LRP1B: variants seen among roughly 807,000 people sequenced by gnomAD.
LRP1B encodes the protein low-density lipoprotein receptor-related protein 1B.
In LRP1B, 217 loss-of-function variants were observed where a neutral mutation model predicts 556.6. The observed-to-expected ratio is 0.39, with a 90% confidence interval of 0.35 to 0.44. The LOEUF (loss-of-function observed/expected upper bound fraction) is 0.44. LRP1B is among the 20% of genes least tolerant of loss of function. The pLI is 1.00. For synonymous variants in LRP1B, 2,047 were observed against 1,865.8 expected (o/e 1.10, Z -2.50); for missense variants, 5,053 against 5,620.8 (o/e 0.90, Z 3.23).
At chr2:141,298,774 G>A (rs531917154) in intron 3 of LRP1B, among the ~76,000 whole-genome samples, 308 of 152,058 alleles carry the variant, frequency 2.0e-3, no homozygotes, top group African/African-American at 7.0e-3. Context: ...GGCCAACATG[G>A]TGAAACCCTG....
chr2:141,704,039 A>G (rs1419351964), intron 2 of LRP1B, among the ~76,000 whole-genome samples: 4 of 151,910 alleles, frequency 2.6e-5, no homozygotes, highest in Non-Finnish European at 5.9e-5. Context: ...TTTTATGTAT[A>G]GTTTAATGGC....
chr2:141,924,592 T>C (rs1159141615), intron 1 of LRP1B, among the ~76,000 whole-genome samples: 1 of 152,154 alleles, frequency 6.6e-6, no homozygotes, highest in African/African-American at 2.4e-5. Flanking sequence ...CACCCCTAGA[T>C]ACTACCATGA....
intron 37 of LRP1B, among the ~76,000 whole-genome samples, chr2:140,711,514 A>C (rs1201492581): frequency 1.3e-5 from 2 of 151,920 alleles, no homozygotes; most frequent in Non-Finnish European, 2.9e-5. Flanking sequence ...ATAACTGCCA[A>C]CTTTGATCTA....
chr2:140,785,255 G>T (rs964852196), intron 32 of LRP1B, among the ~76,000 whole-genome samples: 5 of 152,138 alleles, frequency 3.3e-5, no homozygotes, highest in African/African-American at 1.2e-4. Flanking sequence ...TGCTTCACAA[G>T]CACCTTTCTC....
intron 2 of LRP1B, among the ~76,000 whole-genome samples, chr2:141,591,368 T>TTG (rs58927623): frequency 0.022 from 3,272 of 150,836 alleles, 91 homozygotes; most frequent in East Asian, 0.12. Flanking sequence ...TGTTTGTTTT[T>TTG]TTTTTTTTCC....
At chr2:140,860,691 G>C (rs1040141733) in intron 27 of LRP1B, among the ~76,000 whole-genome samples, 1 of 151,204 alleles carries the variant, frequency 6.6e-6, no homozygotes, top group Admixed American at 6.6e-5. Flanking sequence ...ATTCCAATTA[G>C]AGCAGCTAAG....
At chr2:141,543,365 A>T (rs1027315689) in intron 2 of LRP1B, among the ~76,000 whole-genome samples, 1 of 151,410 alleles carries the variant, frequency 6.6e-6, no homozygotes, top group Admixed American at 6.6e-5. Flanking sequence ...AAAAAAAAAA[A>T]TTATTCAGGC....
At chr2:140,894,734 A>C (rs34386576) in intron 23 of LRP1B, among the ~76,000 whole-genome samples, 15,795 of 152,080 alleles carry the variant, frequency 0.1, 1,097 homozygotes, top group Admixed American at 0.15. Context: ...GGATCACCTG[A>C]GATCAGGAGT....
At chr2:142,042,545 T>C (rs1233307535) in intron 1 of LRP1B, among the ~76,000 whole-genome samples, 2 of 151,532 alleles carry the variant, frequency 1.3e-5, no homozygotes, top group South Asian at 2.1e-4. Flanking sequence ...TTCTGAATTA[T>C]GACTTTTTTT....
intron 66 of LRP1B, among the ~76,000 whole-genome samples, chr2:140,415,765 C>T (rs1392748014): frequency 1.3e-5 from 2 of 150,164 alleles, no homozygotes; most frequent in African/African-American, 4.8e-5. Flanking sequence ...GGTTCTAGTC[C>T]CCACCCATTC....
rs80221749 is a variant in LRP1B, at chr2:141,095,092, G to C, written c.1014-32819C>G. Among the ~76,000 whole-genome samples, 1,220 of 152,164 alleles carry C rather than the reference G, an allele frequency of 8.0e-3. 18 individuals carry two copies. The highest frequency in any genetic ancestry group is 0.028 in the African/African-American group (1,174 of 41,514). The stretch of plus-strand genomic sequence containing the variant: ...GCCCCCTTTTACAATTGCTCTCTCT[G>C]TGCTTTTTATCTCATGATGACACAG... On this transcript the variant is annotated intron_variant, in intron 7 of 90. Coordinates refer to ENST00000389484, the MANE Select transcript of LRP1B (RefSeq NM_018557.3).
chr2:141,736,595 T>A (rs1398632065), intron 2 of LRP1B, among the ~76,000 whole-genome samples: 2 of 152,080 alleles, frequency 1.3e-5, no homozygotes, highest in Non-Finnish European at 2.9e-5. Flanking sequence ...GACAGTACAT[T>A]CTGTTAAGCC....
chr2:140,944,238 A>G (rs1444748805), intron 20 of LRP1B, among the ~76,000 whole-genome samples: 1 of 152,076 alleles, frequency 6.6e-6, no homozygotes, highest in African/African-American at 2.4e-5. Context: ...GAAACCTTGA[A>G]CAGACCAGTA....
chr2:140,937,000 A>G (rs1197974871), intron 20 of LRP1B, among the ~76,000 whole-genome samples: 1 of 152,166 alleles, frequency 6.6e-6, no homozygotes, highest in Non-Finnish European at 1.5e-5. Context: ...AGTTTTTGTA[A>G]GTTATTGAAG....
At chr2:140,998,622 C>A (rs1199642670) in intron 15 of LRP1B, among the ~76,000 whole-genome samples, 2 of 152,080 alleles carry the variant, frequency 1.3e-5, no homozygotes, top group Non-Finnish European at 2.9e-5. Context: ...AGCCTACTCT[C>A]ATTCTTGATT....
intron 7 of LRP1B, among the ~76,000 whole-genome samples, chr2:141,125,906 G>A (rs1322025471): frequency 9.9e-6 from 1 of 100,644 alleles, no homozygotes; most frequent in Non-Finnish European, 2.4e-5. Flanking sequence ...TCTGTCATCA[G>A]CAAAATTCTG....
intron 21 of LRP1B, among the ~76,000 whole-genome samples, chr2:140,908,584 T>C (rs1402392932): frequency 6.6e-6 from 1 of 151,830 alleles, no homozygotes; most frequent in Non-Finnish European, 1.5e-5. Flanking sequence ...TTTACATTTA[T>C]AACATCAACA....
intron 11 of LRP1B, among the ~76,000 whole-genome samples, chr2:141,023,932 G>T (rs546031931): frequency 6.6e-6 from 1 of 152,130 alleles, no homozygotes; most frequent in South Asian, 2.1e-4. Context: ...TGAGTACAGA[G>T]TATGGTAAAG....
At chr2:140,335,075 G>A (rs1397672977) in intron 78 of LRP1B, among the ~76,000 whole-genome samples, 1 of 151,894 alleles carries the variant, frequency 6.6e-6, no homozygotes, top group Non-Finnish European at 1.5e-5. Flanking sequence ...AGATGATTAA[G>A]ATTTTTAGTT....
Sources: gnomAD v4.1 joint callset for allele counts (sites outside exome capture counted in the v4.1 genomes callset) on GRCh38, gnomAD v4.1.1 for gene constraint, MANE v1.5 for transcripts, NCBI Gene and HGNC (gene_info 2026-07-23, HGNC 2026-07-21) for gene names.